TLR5: variants seen among roughly 807,000 people sequenced by gnomAD.
The protein encoded by TLR5 is toll-like receptor 5.
For missense variants in TLR5, 944 were observed against 999.8 expected (o/e 0.94, Z 0.75); for synonymous variants, 373 against 384.4 (o/e 0.97, Z 0.35).
At chr1:223,114,459 A>AT (rs1656525545) in intron 5 of TLR5, among the ~76,000 whole-genome samples, 1 of 152,234 alleles carries the variant, frequency 6.6e-6, no homozygotes, top group East Asian at 1.9e-4. Context: ...GAGAGGAAAA[A>AT]TAAATGAAAG....
chr1:223,113,185 T>A (rs1656458027), intron 5 of TLR5, 150 bp from the exon 6 acceptor site: 1 of 781,894 alleles, frequency 1.3e-6, no homozygotes, highest in African/African-American at 1.7e-5. Context: ...TGTTGGCAGA[T>A]ACAGACAAAA....
rs918709326 is a variant in TLR5, at chr1:223,117,249, A to G, written c.-4-4214T>C. Among the ~76,000 whole-genome samples, 26 of 152,058 alleles carry G rather than the reference A, an allele frequency of 1.7e-4. 1 individual carries two copies. Among genetic ancestry groups the G allele is most frequent in the African/African-American group, 6.0e-4 (25 of 41,430 alleles). ...GGCTGCTCCGAGTTAGGGCCTGCCA[A>G]GCCCACGCCCACCCAGAATTCGCGC... On this transcript the variant is annotated intron_variant, in intron 5 of 5. Transcript: ENST00000642603.
intron 5 of TLR5, among the ~76,000 whole-genome samples, chr1:223,114,121 TTGTGTGAG>T (rs1656507471): frequency 1.3e-5 from 2 of 152,162 alleles, no homozygotes; most frequent in Admixed American, 6.5e-5. Context: ...AGCTGTGTGA[TTGTGTGAG>T]TGTACGACAA....
Position 223,111,627 on chromosome 1 carries a change from G to C in TLR5, c.1405C>G (p.Pro469Ala), listed in dbSNP as rs749216854. Residue 469 changes from proline to alanine, a missense_variant, in exon 6 of 6, where the codon CCT (proline) becomes GCT (alanine). Coordinates refer to ENST00000642603, the MANE Select transcript of TLR5 (RefSeq NM_003268.6). ...TGTTCTAAGCTGGGATTCTCTGAAG[G>C]GGTTTGATCTCCACTACAGGAGGAG... ...RFSSCSGDQT[P>A]SENPSLEQLF... 3.1e-6 allele frequency: 5 copies of C among 1,614,072 alleles called. No individual in the cohort carries two copies. In the East Asian group the frequency reaches 8.9e-5, roughly 29 times the overall value.
chr1:223,116,206 A>G (rs1656631601), intron 5 of TLR5, among the ~76,000 whole-genome samples: 1 of 152,200 alleles, frequency 6.6e-6, no homozygotes, highest in Non-Finnish European at 1.5e-5. Context: ...ACTGACTTCA[A>G]GAGTGAAGTC....
At chr1:223,114,545 A>G (rs1656528710) in intron 5 of TLR5, among the ~76,000 whole-genome samples, 1 of 152,230 alleles carries the variant, frequency 6.6e-6, no homozygotes, top group African/African-American at 2.4e-5. Flanking sequence ...TGTCAACACC[A>G]GGAGAGATTA....
intron 1 of TLR5, among the ~76,000 whole-genome samples, chr1:223,142,160 C>T (rs1260303101): frequency 1.3e-5 from 2 of 152,120 alleles, no homozygotes; most frequent in African/African-American, 4.8e-5. Context: ...ATTGATGAAA[C>T]CACATTGGCC....
At chr1:223,139,808 C>T (rs1252310820) in intron 2 of TLR5, among the ~76,000 whole-genome samples, 1 of 152,318 alleles carries the variant, frequency 6.6e-6, no homozygotes, top group South Asian at 2.1e-4. Context: ...TAGGAATTGG[C>T]TCCATCTAAT....
intron 5 of TLR5, among the ~76,000 whole-genome samples, chr1:223,113,927 A>G (rs1274054511): frequency 6.6e-6 from 1 of 152,202 alleles, no homozygotes; most frequent in East Asian, 1.9e-4. Flanking sequence ...TGATGAGTGG[A>G]AAATAAATTC....
intron 5 of TLR5, 26 bp from the exon 6 acceptor site, chr1:223,113,061 A>C (rs1656451966): frequency 6.2e-7 from 1 of 1,612,622 alleles, no homozygotes; most frequent in South Asian, 1.1e-5. Context: ...GAGAATGAAA[A>C]CACAGGCATT....
intron 5 of TLR5, among the ~76,000 whole-genome samples, chr1:223,119,152 A>C (rs1656818049): frequency 6.6e-6 from 1 of 152,020 alleles, no homozygotes. Context: ...GTCCATTCAG[A>C]TGGTTGTGGG....
rs867343572 is a variant in TLR5, at chr1:223,111,196, G to T, written c.1836C>A (p.Tyr612Ter). The stretch of plus-strand genomic sequence containing the variant: ...GGGAAACCCCAGAGAACGAGTCAGG[G>T]TACACACAATATATGTCTGCAGGAG... The part of the protein sequence containing the change: ...AGPPADIYCV[Y>*]PDSFSGVSLF... Residue 612 changes from tyrosine (Y) to a stop codon, truncating the protein, a stop_gained, in exon 6 of 6, where the codon TAC becomes TAA. Transcript: ENST00000642603. LOFTEE classifies it low-confidence loss of function (END_TRUNC). 6 of 1,614,142 alleles carry T rather than the reference G, an allele frequency of 3.7e-6. No homozygotes were observed. The highest frequency in any genetic ancestry group is 1.1e-5 in the South Asian group (1 of 91,082).
intron 3 of TLR5, among the ~76,000 whole-genome samples, chr1:223,136,589 T>TATCTCTGACCAAGATGAGGAGGA (rs1324793836): frequency 6.6e-6 from 1 of 152,242 alleles, no homozygotes; most frequent in East Asian, 1.9e-4. Flanking sequence ...AACCCAGTTA[T>TATCTCTGACCAAGATGAGGAGGA]ATCTCTGACC....
rs140746757 is a variant in TLR5 at position 223,133,169 on chromosome 1, G to C, written c.-169-530C>G. On this transcript the variant is annotated intron_variant, in intron 4 of 5. Transcript: ENST00000642603. The stretch of plus-strand genomic sequence containing the variant: ...TCGGGTTTCGGGTGAACAATGTCCT[G>C]AAAGTTGAAGAGTTGGCTTATAGTG... Among the ~76,000 whole-genome samples, 337 of 152,318 alleles carry C rather than the reference G, an allele frequency of 2.2e-3. 3 individuals are homozygous for C. Among genetic ancestry groups the C allele is most frequent in the African/African-American group, 7.6e-3 (315 of 41,572 alleles).
At chr1:223,143,043 C>A (rs1405554356) in intron 1 of TLR5, among the ~76,000 whole-genome samples, 153 bp downstream of exon 1, 1 of 152,118 alleles carries the variant, frequency 6.6e-6, no homozygotes, top group African/African-American at 2.4e-5. Context: ...CCTAGTGAGG[C>A]GGCGCGAGTT....
Position 223,111,622 on chromosome 1 carries a change from T to C in TLR5, c.1410A>G (p.Ser470=). ...FSSCSGDQTP[S]ENPSLEQLFL... ...AAAGCTGTTCTAAGCTGGGATTCTCTGAAGGGGTTTGATCTCCACTACAGG... is the reference window on the plus strand; with the variant it reads ...AAAGCTGTTCTAAGCTGGGATTCTCCGAAGGGGTTTGATCTCCACTACAGG... The change falls in exon 6 of 6, where the codon TCA becomes TCG. Residue 470 remains serine (S), a synonymous_variant. Coordinates refer to ENST00000642603, the MANE Select transcript of TLR5 (RefSeq NM_003268.6). The C allele has an allele frequency of 6.2e-7, 1 of 1,614,172 alleles. No homozygotes were observed. The highest frequency in any genetic ancestry group is 8.5e-7 in the Non-Finnish European group (1 of 1,180,032).
At chr1:223,130,970 C>T (rs1012737890) in intron 5 of TLR5, among the ~76,000 whole-genome samples, 6 of 152,156 alleles carry the variant, frequency 3.9e-5, no homozygotes, top group Admixed American at 1.3e-4. Context: ...GTGAATTTCA[C>T]GTCAGGATGC....
At chr1:223,141,812 TATATATATATAGAGAGAGAGAGAGAG>T (rs1355169060) in intron 1 of TLR5, 49 bp from the exon 2 acceptor site, 4 of 57,792 alleles carry the variant, frequency 6.9e-5, no homozygotes, top group Non-Finnish European at 1.3e-4. Flanking sequence ...TATATATATA[TATATATATATAGAGAGAGAGAGAGAG>T]AGAGAGAGAG....
intron 5 of TLR5, among the ~76,000 whole-genome samples, chr1:223,117,562 CAAAAAA>C (rs66839180): frequency 1.9e-5 from 2 of 105,134 alleles, no homozygotes; most frequent in East Asian, 2.8e-4. Flanking sequence ...ATGGTGTTCA[CAAAAAA>C]AAAAAAAAAA....
Sources: gnomAD v4.1 joint callset for allele counts (sites outside exome capture counted in the v4.1 genomes callset) on GRCh38, gnomAD v4.1.1 for gene constraint, MANE v1.5 for transcripts, NCBI Gene and HGNC (gene_info 2026-07-23, HGNC 2026-07-21) for gene names.